DCLK1: variants seen among roughly 807,000 people sequenced by gnomAD.
DCLK1 encodes doublecortin like kinase 1.
In DCLK1, 16 loss-of-function variants were observed where a neutral mutation model predicts 86.2. The observed-to-expected ratio is 0.19, with a 90% CI of 0.13 to 0.28. DCLK1 has a LOEUF of 0.28. Ranked by LOEUF, DCLK1 falls within the 10% of genes least tolerant of loss-of-function variation. DCLK1 has a pLI of 1.00. For missense variants in DCLK1, 590 were observed against 940.2 expected (o/e 0.63, Z 4.87); for synonymous variants, 369 against 370.5 (o/e 1.00, Z 0.05).
At chr13:36,083,716 A>C (rs373774534) in intron 3 of DCLK1, among the ~76,000 whole-genome samples, 4 of 152,192 alleles carry the variant, frequency 2.6e-5, no homozygotes, top group South Asian at 4.1e-4. Context: ...TTTTTTAAAA[A>C]TTTCAACAAA....
intron 3 of DCLK1, among the ~76,000 whole-genome samples, chr13:36,063,419 C>T (rs746951181): frequency 3.9e-5 from 6 of 152,064 alleles, no homozygotes; most frequent in Non-Finnish European, 7.4e-5. Flanking sequence ...TAGATCATGG[C>T]TTCAGTTAGA....
chr13:35,947,236 C>T (rs867145463), intron 4 of DCLK1, 122 bp downstream of exon 4: 20 of 603,294 alleles, frequency 3.3e-5, no homozygotes, highest in East Asian at 3.1e-4. Flanking sequence ...GGAAAAGACA[C>T]GCTGGGTGAG....
At chr13:35,896,454 C>T (rs1393447143) in intron 4 of DCLK1, among the ~76,000 whole-genome samples, 3 of 144,626 alleles carry the variant, frequency 2.1e-5, no homozygotes, top group Non-Finnish European at 3.0e-5. Flanking sequence ...AGGAGAATCG[C>T]TTGAACTCGG....
chr13:36,085,454 A>G (rs1884558631), intron 3 of DCLK1, among the ~76,000 whole-genome samples: 1 of 152,188 alleles, frequency 6.6e-6, no homozygotes, highest in Non-Finnish European at 1.5e-5. Context: ...TTTAGTAGAG[A>G]TAAAAATTAC....
chr13:35,905,328 G>A (rs1317102540), intron 4 of DCLK1, among the ~76,000 whole-genome samples: 1 of 152,180 alleles, frequency 6.6e-6, no homozygotes, highest in Non-Finnish European at 1.5e-5. Flanking sequence ...ACAGTGTAGA[G>A]GTAGACATGT....
At chr13:35,808,957 G>T in intron 13 of DCLK1, 61 bp downstream of exon 13, 1 of 1,463,550 alleles carries the variant, frequency 6.8e-7, no homozygotes, top group Non-Finnish European at 9.4e-7. Flanking sequence ...AAGGGCTAAT[G>T]GATCACTCAG....
At chr13:35,850,195 C>T in intron 6 of DCLK1, 1 of 983,988 alleles carries the variant, frequency 1.0e-6, no homozygotes, top group Non-Finnish European at 1.2e-6. Flanking sequence ...AAAATCTACC[C>T]AAGTATTTTT....
Position 35,774,417 on chromosome 13 carries a change from C to T in DCLK1, c.*118G>A. ...AAGATACCTGAAAACACTTTCAGTTCTGCCATTCAAGCATTGAGCGCTAGA... is the reference window on the plus strand; with the variant it reads ...AAGATACCTGAAAACACTTTCAGTTTTGCCATTCAAGCATTGAGCGCTAGA... On this transcript the variant is annotated 3_prime_UTR_variant, in exon 17 of 17. Transcript: ENST00000360631. 8.3e-7 allele frequency: 1 copy of T among 1,208,872 alleles called. No individual in the cohort carries two copies. Among genetic ancestry groups the T allele is most frequent in the South Asian group, 1.6e-5 (1 of 62,546 alleles). The allele number at this position is 1,208,872 out of a possible 1,614,324, so 74.9% of individuals were successfully genotyped here.
At chr13:36,092,537 A>T (rs1384598059) in intron 3 of DCLK1, among the ~76,000 whole-genome samples, 2 of 112,122 alleles carry the variant, frequency 1.8e-5, no homozygotes, top group Non-Finnish European at 3.3e-5. Flanking sequence ...CCCAGGCTGG[A>T]GTGCAGTGGC....
intron 4 of DCLK1, among the ~76,000 whole-genome samples, chr13:35,934,411 T>C (rs1468956403): frequency 1.3e-5 from 2 of 152,202 alleles, no homozygotes; most frequent in African/African-American, 4.8e-5. Context: ...AGAGGTTTAA[T>C]TGGACTTACA....
At chr13:35,995,333 C>T (rs916525794) in intron 3 of DCLK1, among the ~76,000 whole-genome samples, 5 of 152,084 alleles carry the variant, frequency 3.3e-5, no homozygotes, top group Non-Finnish European at 5.9e-5. Flanking sequence ...CACTTTATTA[C>T]GAAATCTAAT....
chr13:35,828,977 G>A (rs1249915399), intron 8 of DCLK1, among the ~76,000 whole-genome samples: 2 of 152,136 alleles, frequency 1.3e-5, no homozygotes, highest in African/African-American at 2.4e-5. Context: ...ATATGGTCAA[G>A]GTGTAAAGAA....
intron 15 of DCLK1, among the ~76,000 whole-genome samples, chr13:35,799,630 G>A (rs1350783614): frequency 6.6e-6 from 1 of 152,026 alleles, no homozygotes; most frequent in African/African-American, 2.4e-5. Context: ...GCATCCTAGA[G>A]TATCAGAAGA....
At chr13:35,887,878 CAAAAAAAAAAA>C (rs760195385) in intron 4 of DCLK1, among the ~76,000 whole-genome samples, 17 of 38,742 alleles carry the variant, frequency 4.4e-4, no homozygotes, top group East Asian at 1.4e-3. Context: ...GATCTTGTCT[CAAAAAAAAAAA>C]AAAAAAAAAA....
chr13:35,824,894 C>T (rs2153105432), intron 10 of DCLK1, among the ~76,000 whole-genome samples: 1 of 152,276 alleles, frequency 6.6e-6, no homozygotes, highest in Non-Finnish European at 1.5e-5. Context: ...GATCTCTGTC[C>T]TCAAGCCTGT....
intron 3 of DCLK1, among the ~76,000 whole-genome samples, chr13:35,950,252 A>C (rs1196491601): frequency 6.6e-6 from 1 of 152,214 alleles, no homozygotes; most frequent in African/African-American, 2.4e-5. Context: ...AATTTAGGAT[A>C]ATCTGTGCAC....
intron 3 of DCLK1, among the ~76,000 whole-genome samples, chr13:36,084,505 C>G (rs961197478): frequency 6.6e-6 from 1 of 152,120 alleles, no homozygotes; most frequent in Non-Finnish European, 1.5e-5. Flanking sequence ...AATCACTAAA[C>G]TGACAGCACA....
In DCLK1 at chr13:35,943,106, T is replaced by A. The variant is rs543565515; in HGVS notation, c.823+4252A>T. ...CTTTGTAGATGTCACCAAACTAAGA[T>A]GAGGTCATACTGAATGTGAGTGGGT... is the stretch of plus-strand genomic sequence containing the variant. On this transcript the variant is annotated intron_variant, in intron 4 of 16. Transcript: ENST00000360631. Among the ~76,000 whole-genome samples, 8 of 152,308 alleles carry A rather than the reference T, an allele frequency of 5.3e-5. No homozygotes were observed. The South Asian group carries it at 1.7e-3, about 32-fold the overall frequency.
intron 4 of DCLK1, among the ~76,000 whole-genome samples, chr13:35,880,948 T>C (rs1375724834): frequency 6.6e-6 from 1 of 152,200 alleles, no homozygotes; most frequent in Non-Finnish European, 1.5e-5. Flanking sequence ...TTCTCCCACA[T>C]GTCATATGTT....
Sources: allele counts gnomAD v4.1 joint callset (sites outside exome capture counted in the v4.1 genomes callset), GRCh38; gene constraint gnomAD v4.1.1; transcripts MANE v1.5; gene names NCBI Gene and HGNC (gene_info 2026-07-23, HGNC 2026-07-21).